The following TDRD12 variants were observed in gnomAD, a reference collection of about 807,000 sequenced individuals.
TDRD12 encodes putative ATP-dependent RNA helicase TDRD12.
TDRD12 carries 158 observed loss-of-function variants against 133.5 expected under a neutral mutation model. The observed-to-expected ratio is 1.18, with a 90% CI of 1.04 to 1.35. TDRD12 has a LOEUF of 1.35. TDRD12 is among the 40% of genes most tolerant of loss of function. The probability of loss-of-function intolerance (pLI) is 0.00; values close to 1 mark genes in which losing one functional copy is unlikely to be tolerated. For missense variants in TDRD12, 1,443 were observed against 1,321.3 expected, an observed-to-expected ratio of 1.09 and a Z score of -1.43; for synonymous variants, 460 against 477.9, an observed-to-expected ratio of 0.96 and a Z score of 0.49.
At chr19:32,774,045 A>C (rs914285214) in intron 10 of TDRD12, among the ~76,000 whole-genome samples, 2 of 152,178 alleles carry the variant, frequency 1.3e-5, no homozygotes, top group East Asian at 3.9e-4. Context: ...CCAGGGCGGA[A>C]AGAGAAGAAT....
chr19:32,823,812 G>C (rs1013514751), downstream of TDRD12, among the ~76,000 whole-genome samples: 1 of 152,210 alleles, frequency 6.6e-6, no homozygotes, highest in Non-Finnish European at 1.5e-5. Context: ...TTATTCCACG[G>C]TAGCAGACCG....
At chr19:32,726,736 C>G (rs1410254114) in intron 1 of TDRD12, among the ~76,000 whole-genome samples, 1 of 151,946 alleles carries the variant, frequency 6.6e-6, no homozygotes, top group Non-Finnish European at 1.5e-5. Context: ...GACCCTGTCT[C>G]TTAAAAAAAC....
exon 8 of TDRD12, chr19:32,826,324 A>G: frequency 7.2e-7 from 1 of 1,384,036 alleles, no homozygotes; most frequent in Non-Finnish European, 9.4e-7. Context: ...AAGGACTACA[A>G]GTGTCAGTAT....
At chr19:32,774,070 C>T (rs1049605108) in intron 10 of TDRD12, among the ~76,000 whole-genome samples, 2 of 152,202 alleles carry the variant, frequency 1.3e-5, no homozygotes, top group African/African-American at 4.8e-5. Flanking sequence ...TCGTGAGTAT[C>T]AGAGGCTGGG....
chr19:32,756,234 T>C, intron 7 of TDRD12, 53 bp downstream of exon 7: 1 of 1,350,418 alleles, frequency 7.4e-7, no homozygotes, highest in Non-Finnish European at 9.6e-7. Flanking sequence ...ATTAATAATC[T>C]TAGTGTATAG....
chr19:32,773,660 T>C, intron 10 of TDRD12, 128 bp downstream of exon 10: 1 of 662,884 alleles, frequency 1.5e-6, no homozygotes, highest in Non-Finnish European at 2.7e-6. Context: ...ATCGTACCAC[T>C]GTACTCCAGC....
At chr19:32,739,845 A>T (rs1969354535) in intron 3 of TDRD12, among the ~76,000 whole-genome samples, 1 of 123,694 alleles carries the variant, frequency 8.1e-6, no homozygotes, top group Non-Finnish European at 1.6e-5. Context: ...CACTCTCTGC[A>T]TCTCCTGGTG....
intron 10 of TDRD12, among the ~76,000 whole-genome samples, chr19:32,776,400 A>G (rs1970586279): frequency 6.6e-6 from 1 of 152,202 alleles, no homozygotes; most frequent in Admixed American, 6.5e-5. Context: ...TGCAGCCCCA[A>G]GATCAGAGCT....
At chr19:32,729,334 C>G (rs1295370961) in intron 1 of TDRD12, among the ~76,000 whole-genome samples, 1 of 150,428 alleles carries the variant, frequency 6.6e-6, no homozygotes, top group Non-Finnish European at 1.5e-5. Context: ...TCTCCTGCCT[C>G]AGCCTCCCGA....
At chr19:32,773,680 AGAGT>A (rs1165024754) in intron 10 of TDRD12, 148 bp downstream of exon 10, 7 of 601,910 alleles carry the variant, frequency 1.2e-5, no homozygotes, top group Non-Finnish European at 1.8e-5. Context: ...CCTGGGTGAC[AGAGT>A]GAGACTCTTA....
At chr19:32,723,667 C>CA (rs11417872) in intron 1 of TDRD12, among the ~76,000 whole-genome samples, 8,163 of 98,328 alleles carry the variant, frequency 0.083, 372 homozygotes, top group East Asian at 0.29. Flanking sequence ...CTGAGTCTAC[C>CA]AAAAAAAAAA....
At chr19:32,760,881 G>A (rs1970129996) in intron 8 of TDRD12, among the ~76,000 whole-genome samples, 1 of 152,124 alleles carries the variant, frequency 6.6e-6, no homozygotes, top group African/African-American at 2.4e-5. Flanking sequence ...GTATTACAAA[G>A]AACTTTTTTC....
chr19:32,737,183 A>C (rs937107162), intron 2 of TDRD12, among the ~76,000 whole-genome samples: 1 of 152,192 alleles, frequency 6.6e-6, no homozygotes, highest in East Asian at 1.9e-4. Context: ...GGGACTGTGC[A>C]CTTATTCAGC....
chr19:32,736,731 G>A (rs554348740), intron 2 of TDRD12, among the ~76,000 whole-genome samples: 1 of 152,290 alleles, frequency 6.6e-6, no homozygotes, highest in East Asian at 1.9e-4. Context: ...CTGTCTGAGC[G>A]CAGCTCTCCT....
intron 1 of TDRD12, among the ~76,000 whole-genome samples, chr19:32,729,602 A>G (rs1968976652): frequency 6.6e-6 from 1 of 151,298 alleles, no homozygotes; most frequent in Non-Finnish European, 1.5e-5. Flanking sequence ...AAATAGATAC[A>G]TATCTATATA....
chr19:32,820,964 C>T (rs533923012), intron 27 of TDRD12, 69 bp from the exon 28 acceptor site: 2 of 1,296,178 alleles, frequency 1.5e-6, no homozygotes, highest in South Asian at 2.6e-5. Flanking sequence ...CATTTATTGC[C>T]TGCCTTCCTC....
chr19:32,747,312 C>T (rs953559673), intron 4 of TDRD12, among the ~76,000 whole-genome samples: 9 of 152,070 alleles, frequency 5.9e-5, no homozygotes, highest in African/African-American at 2.2e-4. Flanking sequence ...GTTTTAGAAC[C>T]ACTGCCTTTA....
chr19:32,827,909 GA>G (rs1967645512), exon 10 of TDRD12: 1 of 152,180 alleles, frequency 6.6e-6, no homozygotes, highest in Non-Finnish European at 1.5e-5. Context: ...TCTGGGTGAT[GA>G]AATGCACTGT....
At chr19:32,806,212 C>T (rs1162807800) in intron 21 of TDRD12, among the ~76,000 whole-genome samples, 1 of 152,134 alleles carries the variant, frequency 6.6e-6, no homozygotes, top group Non-Finnish European at 1.5e-5. Context: ...GAGGCTGGGG[C>T]ATGGGTGCCT....
Sources: allele counts gnomAD v4.1 joint callset (sites outside exome capture counted in the v4.1 genomes callset), GRCh38; gene constraint gnomAD v4.1.1; transcripts MANE v1.5; gene names NCBI Gene and HGNC (gene_info 2026-07-23, HGNC 2026-07-21).